Variants in STK4 observed in about 807,000 individuals in gnomAD.
STK4 encodes the protein serine/threonine-protein kinase 4.
A neutral mutation model predicts 64.9 loss-of-function variants in STK4; 30 were observed. The ratio of observed to expected loss-of-function variants is 0.46; its 90% CI spans 0.35 to 0.63. The LOEUF (loss-of-function observed/expected upper bound fraction) is 0.63, where lower values mean the gene tolerates loss of function less well. STK4 is among the 20% of genes least tolerant of loss of function. STK4 has a pLI of 0.01. For missense variants in STK4, 466 were observed against 598.5 expected, an observed-to-expected ratio of 0.78 and a Z score of 2.31; for synonymous variants, 177 against 199.0, an observed-to-expected ratio of 0.89 and a Z score of 0.93.
intron 7 of STK4, among the ~76,000 whole-genome samples, chr20:44,997,735 T>A (rs1327101265): frequency 6.6e-6 from 1 of 152,176 alleles, no homozygotes; most frequent in Non-Finnish European, 1.5e-5. Context: ...ATTCTCTACC[T>A]CTAGGGAGGT....
At chr20:44,981,977 A>G in intron 4 of STK4, 34 bp downstream of exon 4, 1 of 1,429,252 alleles carries the variant, frequency 7.0e-7, no homozygotes, top group African/African-American at 1.4e-5. Context: ...CAACTGAGCT[A>G]GTTTCTTATG....
rs770433651 is a variant in STK4, at chr20:45,076,927, C to T, written c.*1751C>T. 3.3e-5 allele frequency: 5 copies of T among 152,242 alleles called. 1 individual carries two copies. The highest frequency in any genetic ancestry group is 7.2e-5 in the African/African-American group (3 of 41,550). 9.4% of individuals were successfully genotyped at this position (152,242 alleles called of 1,614,324 possible). On this transcript the variant is annotated 3_prime_UTR_variant, in exon 11 of 11. Coordinates refer to ENST00000372806, the MANE Select transcript of STK4 (RefSeq NM_006282.5). This position sits in a 1 kb window ranked among gnomAD's most constrained non-coding sequence, Gnocchi z 4.0. ...CTTGGCAACTGAAATAGCTATGTGG[C>T]GGATACGGAAAACAGAGGACAATTT... is the stretch of plus-strand genomic sequence containing the variant.
Position 45,076,425 on chromosome 20 carries a change from T to C in STK4, c.*1249T>C, listed in dbSNP as rs1048090145. The C allele has an allele frequency of 1.3e-5, 2 of 152,238 alleles. No homozygotes were observed. The highest frequency in any genetic ancestry group is 4.8e-5 in the African/African-American group (2 of 41,460). 9.4% of individuals were successfully genotyped at this position (152,238 alleles called of 1,614,324 possible). ...TCCTCACTCCCAGGCCACCGAACCATGCAGCCCCTTCTTTGGGGGAAGAGA... is the reference window on the plus strand; with the variant it reads ...TCCTCACTCCCAGGCCACCGAACCACGCAGCCCCTTCTTTGGGGGAAGAGA... On this transcript the variant is annotated 3_prime_UTR_variant, in exon 11 of 11. Coordinates refer to ENST00000372806, the MANE Select transcript of STK4 (RefSeq NM_006282.5). This position sits in a 1 kb window ranked among gnomAD's most constrained non-coding sequence, Gnocchi z 4.0.
chr20:45,040,858 C>G (rs769447502), intron 10 of STK4, among the ~76,000 whole-genome samples: 8 of 152,132 alleles, frequency 5.3e-5, no homozygotes, highest in Non-Finnish European at 8.8e-5. Context: ...CATCCCACAT[C>G]TGTAATCCTT....
intron 10 of STK4, among the ~76,000 whole-genome samples, chr20:45,050,084 A>G (rs1351397179): frequency 1.3e-5 from 2 of 152,226 alleles, no homozygotes; most frequent in Admixed American, 6.5e-5. Flanking sequence ...ACAGACGAGC[A>G]TTCAGAGTAA....
At chr20:45,041,034 T>C (rs2068605036) in intron 10 of STK4, among the ~76,000 whole-genome samples, 1 of 152,212 alleles carries the variant, frequency 6.6e-6, no homozygotes, top group Non-Finnish European at 1.5e-5. Flanking sequence ...GGACATCCCA[T>C]ATAGATGTAC....
chr20:45,051,884 C>T (rs1461076863), intron 10 of STK4, among the ~76,000 whole-genome samples: 1 of 152,140 alleles, frequency 6.6e-6, no homozygotes, highest in Non-Finnish European at 1.5e-5. Flanking sequence ...ACCTATTATG[C>T]CACCTGTCTA....
In STK4 at chr20:45,000,486, A is replaced by T; in HGVS notation, c.926A>T (p.Gln309Leu). The T allele has an allele frequency of 6.2e-7, 1 of 1,614,154 alleles. No individual in the cohort carries two copies. Among genetic ancestry groups the T allele is most frequent in the Admixed American group, 1.7e-5 (1 of 60,020 alleles). ...AAACTGAAACGCCAGGAATCCCAGC[A>T]GCGGGAAGTGGACCAGGACGATGAA... is the stretch of plus-strand genomic sequence containing the variant. ...DVKLKRQESQ[Q>L]REVDQDDEEN... is the part of the protein sequence containing the mutation. The change falls in exon 8 of 11, where the codon CAG becomes CTG. Residue 309 changes from glutamine (Q) to leucine (L), a missense_variant. Gln to Leu is a moderately radical substitution (Grantham distance 113). Transcript: ENST00000372806.
intron 10 of STK4, among the ~76,000 whole-genome samples, chr20:45,037,658 G>A (rs557337937): frequency 8.0e-4 from 122 of 152,198 alleles, no homozygotes; most frequent in Middle Eastern, 3.4e-3. Context: ...TTTTTCCCAG[G>A]AGGCCGATAA....
Position 45,078,761 on chromosome 20 carries a change from T to C in STK4, c.*3585T>C, listed in dbSNP as rs763921529. The C allele has an allele frequency of 1.3e-5, 2 of 152,256 alleles. No homozygotes were observed. The highest frequency in any genetic ancestry group is 4.8e-5 in the African/African-American group (2 of 41,418). 9.4% of individuals were successfully genotyped at this position (152,256 alleles called of 1,614,324 possible). On this transcript the variant is annotated 3_prime_UTR_variant, in exon 11 of 11. Transcript: ENST00000372806. ...TTGTAGCCTTGACTCCTTGAGACTG[T>C]AGATTTCGATCCAGGAAACATTTAT...
intron 6 of STK4, among the ~76,000 whole-genome samples, chr20:44,996,350 C>T (rs555565102): frequency 5.3e-5 from 8 of 152,096 alleles, no homozygotes; most frequent in Non-Finnish European, 1.2e-4. Context: ...CCAACCCTGC[C>T]TTCCTCAGGG....
At chr20:44,995,605 C>CAAAAAAA (rs60140206) in intron 6 of STK4, among the ~76,000 whole-genome samples, 1 of 54,550 alleles carries the variant, frequency 1.8e-5, no homozygotes, top group African/African-American at 6.8e-5. Context: ...GACTCCATCT[C>CAAAAAAA]AAAAAAAAAA....
intron 8 of STK4, 77 bp from the exon 9 acceptor site, chr20:45,001,090 A>T (rs1168516893): frequency 4.2e-6 from 6 of 1,442,154 alleles, no homozygotes; most frequent in Non-Finnish European, 5.6e-6. Flanking sequence ...ATTTTCACTA[A>T]GACAGGTAGT....
At chr20:45,063,402 CT>C (rs1427559222) in intron 10 of STK4, among the ~76,000 whole-genome samples, 1 of 152,138 alleles carries the variant, frequency 6.6e-6, no homozygotes, top group East Asian at 1.9e-4. Context: ...TGAAAAGTGT[CT>C]GTTCATGTCC....
chr20:45,053,726 A>T (rs898437100), intron 10 of STK4, among the ~76,000 whole-genome samples: 1 of 152,184 alleles, frequency 6.6e-6, no homozygotes, highest in African/African-American at 2.4e-5. Context: ...AAACTTTCAG[A>T]ATTGAAAAGG....
chr20:45,049,767 G>A (rs1014300403), intron 10 of STK4, among the ~76,000 whole-genome samples: 4 of 152,272 alleles, frequency 2.6e-5, no homozygotes, highest in Admixed American at 2.6e-4. Flanking sequence ...GTGATGCACA[G>A]GATTTCAGCT....
chr20:44,994,975 G>T, intron 5 of STK4, 115 bp from the exon 6 acceptor site: 1 of 907,214 alleles, frequency 1.1e-6, no homozygotes, highest in Non-Finnish European at 1.5e-6. Context: ...TGTTGGAAAA[G>T]CCTCTTTTTC....
chr20:45,038,422 T>TA (rs1485742882), intron 10 of STK4, among the ~76,000 whole-genome samples: 5 of 152,112 alleles, frequency 3.3e-5, no homozygotes, highest in Non-Finnish European at 7.4e-5. Context: ...TTTATATATA[T>TA]TTTTTAGCTT....
rs369499260 is a variant in STK4, at chr20:45,038,240, G to A, written c.1305+13110G>A. ...CCTCCACTATTCACCCACACTGCTT[G>A]ATTGTTTTGAAGCAAATCCCAGGCA... On this transcript the variant is annotated intron_variant, in intron 10 of 10. Coordinates refer to ENST00000372806, the MANE Select transcript of STK4 (RefSeq NM_006282.5). Among the ~76,000 whole-genome samples, 24 of 152,108 alleles carry A rather than the reference G, an allele frequency of 1.6e-4. No homozygotes were observed. In the East Asian group the frequency reaches 3.9e-3, roughly 24 times the overall value.
Sources: gnomAD v4.1 joint callset for allele counts (sites outside exome capture counted in the v4.1 genomes callset) on GRCh38, gnomAD v4.1.1 for gene constraint, Gnocchi (gnomAD v3.1) non-coding constraint, MANE v1.5 for transcripts, NCBI Gene and HGNC (gene_info 2026-07-23, HGNC 2026-07-21) for gene names.